KANSL1: variants seen among roughly 807,000 people sequenced by gnomAD.
KANSL1 encodes the protein MLL1/MLL complex subunit KANSL1.
In KANSL1, 22 loss-of-function variants were observed where a neutral mutation model predicts 103.6. The ratio of observed to expected loss-of-function variants is 0.21; its 90% CI spans 0.15 to 0.30. KANSL1 has a LOEUF of 0.30. KANSL1 is among the 10% of genes least tolerant of loss of function. KANSL1 has a pLI of 1.00. For missense variants in KANSL1, 1,337 were observed against 1,399.8 expected (o/e 0.96, Z 0.72); for synonymous variants, 600 against 527.6 (o/e 1.14, Z -1.88).
intron 6 of KANSL1, among the ~76,000 whole-genome samples, chr17:46,054,279 C>T (rs888424442): frequency 1.3e-5 from 2 of 152,208 alleles, no homozygotes; most frequent in Non-Finnish European, 2.9e-5. Context: ...GTCTCAAACT[C>T]CTGACCTCAG....
At chr17:46,104,627 T>A (rs2042453873) in intron 2 of KANSL1, among the ~76,000 whole-genome samples, 1 of 152,242 alleles carries the variant, frequency 6.6e-6, no homozygotes, top group Non-Finnish European at 1.5e-5. Flanking sequence ...GAGTTTTAGC[T>A]GATGCCTTAT....
intron 6 of KANSL1, among the ~76,000 whole-genome samples, chr17:46,056,015 T>C (rs1477785401): frequency 6.6e-6 from 1 of 152,234 alleles, no homozygotes; most frequent in African/African-American, 2.4e-5. Context: ...TTTTATTTTT[T>C]TGATACAGAG....
intron 11 of KANSL1, 133 bp from the exon 12 acceptor site, chr17:46,033,593 T>C: frequency 2.7e-6 from 2 of 739,070 alleles, no homozygotes; most frequent in Non-Finnish European, 4.7e-6. Flanking sequence ...GGCTCTGCCC[T>C]ATCACAGCTC....
intron 2 of KANSL1, among the ~76,000 whole-genome samples, chr17:46,165,749 G>T (rs2045963989): frequency 6.6e-6 from 1 of 151,872 alleles, no homozygotes; most frequent in Non-Finnish European, 1.5e-5. Context: ...GACCTCAAGT[G>T]ATCCACCCAC....
chr17:46,147,595 A>AG (rs1178857620), intron 2 of KANSL1, among the ~76,000 whole-genome samples: 1 of 149,544 alleles, frequency 6.7e-6, no homozygotes, highest in Non-Finnish European at 1.5e-5. Flanking sequence ...AAAAAAAAAA[A>AG]AGAGAGCGAG....
intron 14 of KANSL1, 37 bp from the exon 15 acceptor site, chr17:46,031,740 C>A (rs925069157): frequency 1.3e-6 from 2 of 1,538,130 alleles, no homozygotes; most frequent in Non-Finnish European, 1.8e-6. Context: ...GGACCCAGTC[C>A]CAGCCAGCCT....
At chr17:46,204,996 T>G (rs1356893746) in intron 1 of KANSL1, among the ~76,000 whole-genome samples, 1 of 152,142 alleles carries the variant, frequency 6.6e-6, no homozygotes, top group South Asian at 2.1e-4. Flanking sequence ...AAAAACCCCA[T>G]AGCTAAAATC....
rs568322009 is a variant in KANSL1, at chr17:46,123,016, G to A, written c.1290-28315C>T. Among the ~76,000 whole-genome samples, 7 of 152,304 alleles carry A rather than the reference G, an allele frequency of 4.6e-5. No homozygotes were observed. In the East Asian group the frequency reaches 9.6e-4, roughly 21 times the overall value. On this transcript the variant is annotated intron_variant, in intron 2 of 14. Coordinates refer to ENST00000432791, the MANE Select transcript of KANSL1 (RefSeq NM_015443.4). ...TCAAGTGGAAGAGTCTACAGCTCTC[G>A]CTTTAAATCAAAAGCTAGAAATAGA...
intron 2 of KANSL1, among the ~76,000 whole-genome samples, chr17:46,166,805 C>T (rs1439014330): frequency 5.3e-5 from 8 of 152,098 alleles, no homozygotes; most frequent in East Asian, 1.9e-4. Flanking sequence ...AATTACAGCA[C>T]CCAGGTAATA....
At chr17:46,070,145 G>C (rs56041778) in intron 4 of KANSL1, among the ~76,000 whole-genome samples, 21,794 of 152,030 alleles carry the variant, frequency 0.14, 2,130 homozygotes, top group Non-Finnish European at 0.22. Context: ...AACAAACACA[G>C]CCCCAAAAAT....
chr17:46,124,777 G>A (rs1346567466), intron 2 of KANSL1, among the ~76,000 whole-genome samples: 1 of 151,920 alleles, frequency 6.6e-6, no homozygotes, highest in East Asian at 1.9e-4. Context: ...CTGCAGATGT[G>A]AAAAACACAG....
intron 2 of KANSL1, chr17:46,170,180 AC>A (rs1226385511): frequency 9.2e-5 from 14 of 152,304 alleles, no homozygotes; most frequent in Non-Finnish European, 1.9e-4. Context: ...AACAAAAAAA[AC>A]AACCCAGTAA....
chr17:46,064,065 A>C (rs940680117), intron 6 of KANSL1, among the ~76,000 whole-genome samples: 7 of 129,300 alleles, frequency 5.4e-5, no homozygotes, highest in Middle Eastern at 3.8e-3. Flanking sequence ...AAAAAAAAAA[A>C]AAAAAACAAA....
At chr17:46,217,884 G>T (rs929910341) in intron 1 of KANSL1, among the ~76,000 whole-genome samples, 1 of 152,224 alleles carries the variant, frequency 6.6e-6, no homozygotes, top group Non-Finnish European at 1.5e-5. Flanking sequence ...AAATTACCTG[G>T]GCATGGTGAC....
intron 3 of KANSL1, among the ~76,000 whole-genome samples, chr17:46,090,725 A>G (rs1375028281): frequency 6.6e-6 from 1 of 152,246 alleles, no homozygotes; most frequent in Non-Finnish European, 1.5e-5. Context: ...GGTCAATGAC[A>G]GACCACATAT....
intron 2 of KANSL1, among the ~76,000 whole-genome samples, chr17:46,128,588 T>C (rs1009155883): frequency 6.6e-6 from 1 of 152,112 alleles, no homozygotes; most frequent in Admixed American, 6.5e-5. Context: ...CTTTTAACAG[T>C]AGTAGAGACC....
intron 1 of KANSL1, among the ~76,000 whole-genome samples, chr17:46,209,148 C>T (rs1439272165): frequency 1.3e-5 from 2 of 151,928 alleles, no homozygotes; most frequent in East Asian, 1.9e-4. Context: ...GCGCCGATTG[C>T]ACTCCAGCCT....
chr17:46,044,685 C>A (rs2077440945), intron 7 of KANSL1: 1 of 152,180 alleles, frequency 6.6e-6, no homozygotes. Context: ...GGTTATTATA[C>A]CCTAGTCTCT....
intron 6 of KANSL1, among the ~76,000 whole-genome samples, chr17:46,063,322 C>T (rs1255845209): frequency 6.6e-6 from 1 of 152,206 alleles, no homozygotes; most frequent in Non-Finnish European, 1.5e-5. Flanking sequence ...TGCAACCTGG[C>T]TGCCCTGAAT....
Sources: allele counts gnomAD v4.1 joint callset (sites outside exome capture counted in the v4.1 genomes callset), GRCh38; gene constraint gnomAD v4.1.1; transcripts MANE v1.5; gene names NCBI Gene and HGNC (gene_info 2026-07-23, HGNC 2026-07-21).